Variants in NIPBL observed in about 807,000 individuals in gnomAD.
The protein encoded by NIPBL is nipped-B-like protein.
A neutral mutation model predicts 321.8 loss-of-function variants in NIPBL; 19 were observed. That is an observed-to-expected ratio of 0.06 (90% CI 0.04 to 0.09). The LOEUF is 0.09. NIPBL is among the 10% of genes least tolerant of loss of function. The probability of loss-of-function intolerance (pLI) is 1.00; values close to 1 mark genes in which losing one functional copy is unlikely to be tolerated. For missense variants in NIPBL, 2,210 were observed against 3,327.0 expected, an observed-to-expected ratio of 0.66 and a Z score of 8.26; for synonymous variants, 1,106 against 1,114.1, an observed-to-expected ratio of 0.99 and a Z score of 0.14.
At chr5:37,051,494 A>G (rs934742069) in intron 40 of NIPBL, 1 of 449,364 alleles carries the variant, frequency 2.2e-6, no homozygotes, top group Non-Finnish European at 4.0e-6. Flanking sequence ...TCTTAAATAG[A>G]TATTCTTAGT....
At chr5:36,989,154 C>G (rs1282296289) in intron 10 of NIPBL, among the ~76,000 whole-genome samples, 2 of 152,208 alleles carry the variant, frequency 1.3e-5, no homozygotes, top group African/African-American at 2.4e-5. Context: ...TCAAGAGCTA[C>G]TTATTTTTCA....
At chr5:37,030,772 G>C (rs1396292447) in intron 32 of NIPBL, among the ~76,000 whole-genome samples, 1 of 142,128 alleles carries the variant, frequency 7.0e-6, no homozygotes. Flanking sequence ...TTTTTTTTTT[G>C]GAGACAGGGT....
chr5:36,956,876 C>A (rs913970895), intron 3 of NIPBL, among the ~76,000 whole-genome samples: 1 of 151,958 alleles, frequency 6.6e-6, no homozygotes, highest in African/African-American at 2.4e-5. Context: ...CCACCCACCT[C>A]GGCCTCCCAA....
At chr5:36,909,037 C>A (rs929607649) in intron 1 of NIPBL, among the ~76,000 whole-genome samples, 2 of 152,080 alleles carry the variant, frequency 1.3e-5, no homozygotes, top group African/African-American at 4.8e-5. Flanking sequence ...AAATAGCATA[C>A]CCTAATTATC....
At chr5:36,965,238 GTAC>G in intron 6 of NIPBL, among the ~76,000 whole-genome samples, 1 of 152,152 alleles carries the variant, frequency 6.6e-6, no homozygotes, top group Non-Finnish European at 1.5e-5. Context: ...GTTTATTGCA[GTAC>G]TATTCACAAA....
intron 1 of NIPBL, among the ~76,000 whole-genome samples, chr5:36,927,550 G>A (rs6868571): frequency 0.049 from 7,415 of 152,152 alleles, 629 homozygotes; most frequent in African/African-American, 0.17. Flanking sequence ...TATTTTGAAG[G>A]TAGAGACTCA....
chr5:36,986,532 G>A (rs1201918950), intron 10 of NIPBL, among the ~76,000 whole-genome samples: 4 of 151,736 alleles, frequency 2.6e-5, no homozygotes, highest in African/African-American at 9.7e-5. Flanking sequence ...AGTTATGAAT[G>A]TTACTGCTAT....
At chr5:37,029,237 T>G (rs1750673367) in intron 32 of NIPBL, among the ~76,000 whole-genome samples, 1 of 152,216 alleles carries the variant, frequency 6.6e-6, no homozygotes, top group African/African-American at 2.4e-5. Flanking sequence ...TTTTTGCAGT[T>G]GATCCTCTCT....
In NIPBL at chr5:36,986,327, TTATAA is replaced by T. The variant is rs761253966; in HGVS notation, c.3121+33_3121+37del. The T allele has an allele frequency of 2.2e-6, 3 of 1,392,154 alleles. No individual in the cohort carries two copies. In the African/African-American group the frequency reaches 4.3e-5, roughly 20 times the overall value. 86.2% of individuals were successfully genotyped at this position (1,392,154 alleles called of 1,614,324 possible). A position where few individuals can be genotyped will look rare whatever the true frequency, so the allele number is the denominator to read the frequency against. ...GTAAGAATACTTCTACTGATGTCAT[TTATAA>T]TATAATCGATTTTAAGTGTTAAGAT... On this transcript the variant is annotated intron_variant, in intron 10 of 46. Transcript: ENST00000282516.
At chr5:36,960,995 A>G (rs1407819100) in intron 4 of NIPBL, among the ~76,000 whole-genome samples, 2 of 152,284 alleles carry the variant, frequency 1.3e-5, no homozygotes, top group South Asian at 4.1e-4. Context: ...CAGGAATTCA[A>G]ACTTTCGGCC....
At chr5:36,949,023 GA>G (rs1350678011) in intron 1 of NIPBL, among the ~76,000 whole-genome samples, 1 of 151,834 alleles carries the variant, frequency 6.6e-6, no homozygotes, top group African/African-American at 2.4e-5. Flanking sequence ...AGATGCAGAA[GA>G]ATATATAACA....
At chr5:37,009,235 CAAAA>C (rs1014621127) in intron 20 of NIPBL, among the ~76,000 whole-genome samples, 29 of 138,838 alleles carry the variant, frequency 2.1e-4, no homozygotes, top group Admixed American at 1.3e-3. Context: ...TTTTGTGTCT[CAAAA>C]AAAAAAATAA....
At chr5:36,896,280 A>T (rs1018012837) in intron 1 of NIPBL, among the ~76,000 whole-genome samples, 2 of 152,314 alleles carry the variant, frequency 1.3e-5, no homozygotes, top group Non-Finnish European at 2.9e-5. Context: ...TTATTCCATC[A>T]GTCCATATGT....
Position 37,012,376 on chromosome 5 carries a change from T to C in NIPBL, c.4560+2151T>C, listed in dbSNP as rs1748243520. Among the ~76,000 whole-genome samples the C allele has an allele frequency of 4.0e-5, 6 of 150,706 alleles. No homozygotes were observed. In the South Asian group the frequency reaches 1.3e-3, roughly 32 times the overall value. ...TTTTATTTATTTTGTCTTTATTCAG[T>C]AATCTGCTTTGATATCCTGAATCAG... On this transcript the variant is annotated intron_variant, in intron 21 of 46. Transcript: ENST00000282516.
intron 1 of NIPBL, among the ~76,000 whole-genome samples, chr5:36,893,859 G>A (rs1746527801): frequency 6.6e-6 from 1 of 152,130 alleles, no homozygotes; most frequent in African/African-American, 2.4e-5. Flanking sequence ...TAGAATTGAG[G>A]AAAGAAGTTA....
chr5:37,002,085 A>G (rs1561140099), intron 14 of NIPBL, among the ~76,000 whole-genome samples: 1 of 152,188 alleles, frequency 6.6e-6, no homozygotes, highest in East Asian at 1.9e-4. Context: ...AAAAAGATGG[A>G]GGCAAAATAA....
At chr5:36,897,197 T>C (rs1746817752) in intron 1 of NIPBL, among the ~76,000 whole-genome samples, 1 of 151,820 alleles carries the variant, frequency 6.6e-6, no homozygotes, top group Admixed American at 6.6e-5. Flanking sequence ...AGAGATGGGG[T>C]TTCACTATGT....
chr5:36,983,886 A>G (rs577604270), intron 9 of NIPBL, among the ~76,000 whole-genome samples: 12 of 152,170 alleles, frequency 7.9e-5, no homozygotes, highest in South Asian at 2.1e-4. Context: ...CCAGAACATT[A>G]TAACTTTATA....
At chr5:36,948,359 G>C (rs1739917218) in intron 1 of NIPBL, among the ~76,000 whole-genome samples, 1 of 151,902 alleles carries the variant, frequency 6.6e-6, no homozygotes, top group East Asian at 1.9e-4. Context: ...TATGTAACCT[G>C]ATACAGCATT....
Sources: allele counts gnomAD v4.1 joint callset (sites outside exome capture counted in the v4.1 genomes callset), GRCh38; gene constraint gnomAD v4.1.1; transcripts MANE v1.5; gene names NCBI Gene and HGNC (gene_info 2026-07-23, HGNC 2026-07-21).